The following GALNT13 variants were observed in gnomAD, a reference collection of about 807,000 sequenced individuals.
GALNT13 encodes the protein polypeptide N-acetylgalactosaminyltransferase 13, also known as UDP-GalNAc:polypeptide N-acetylgalactosaminyltransferase 13.
GALNT13 carries 28 observed loss-of-function variants against 64.2 expected under a neutral mutation model. The ratio of observed to expected loss-of-function variants is 0.44; its 90% CI spans 0.32 to 0.60. The LOEUF is 0.60. Among genes scored for constraint, GALNT13 ranks in the 20% least tolerant of loss-of-function variants. The probability of loss-of-function intolerance (pLI) is 0.05; values close to 1 mark genes in which losing one functional copy is unlikely to be tolerated. For synonymous variants in GALNT13, 214 were observed against 224.6 expected (o/e 0.95, Z 0.42); for missense variants, 577 against 669.8 (o/e 0.86, Z 1.53).
the GALNT13 span, among the ~76,000 whole-genome samples, chr2:153,103,013 G>A: frequency 6.6e-6 from 1 of 151,922 alleles, no homozygotes; most frequent in Admixed American, 6.6e-5. Flanking sequence ...ATGCTGAAAC[G>A]ACCTCCCAAC....
At chr2:153,213,597 G>T in the GALNT13 span, among the ~76,000 whole-genome samples, 1 of 152,136 alleles carries the variant, frequency 6.6e-6, no homozygotes, top group Non-Finnish European at 1.5e-5. Flanking sequence ...ACTGTGCCTT[G>T]GTCTTGATGG....
chr2:153,284,030 G>C, the GALNT13 span, among the ~76,000 whole-genome samples: 1 of 152,168 alleles, frequency 6.6e-6, no homozygotes, highest in Admixed American at 6.5e-5. Flanking sequence ...CTGCCTGGGC[G>C]TGGAGCTGAG....
intron 8 of GALNT13, among the ~76,000 whole-genome samples, chr2:154,284,331 G>A (rs1026464355): frequency 6.6e-6 from 1 of 152,020 alleles, no homozygotes; most frequent in Non-Finnish European, 1.5e-5. Flanking sequence ...GACTCTTCTA[G>A]ATTCCTCATG....
At chr2:153,653,850 T>A in the GALNT13 span, among the ~76,000 whole-genome samples, 2 of 152,174 alleles carry the variant, frequency 1.3e-5, no homozygotes, top group Non-Finnish European at 1.5e-5. Flanking sequence ...AAGAATTTCA[T>A]GTCATAGAGA....
At chr2:153,490,300 T>G in the GALNT13 span, among the ~76,000 whole-genome samples, 1 of 152,204 alleles carries the variant, frequency 6.6e-6, no homozygotes, top group Non-Finnish European at 1.5e-5. Context: ...AGACAATATT[T>G]TTTAAAAAAT....
chr2:154,450,367 T>C (rs1227966480), intron 12 of GALNT13, 44 bp from the exon 13 acceptor site: 14 of 1,529,418 alleles, frequency 9.2e-6, no homozygotes, highest in Non-Finnish European at 1.2e-5. Context: ...CTAGCAAAGC[T>C]AAAGACGAAA....
the GALNT13 span, among the ~76,000 whole-genome samples, chr2:153,425,063 ATAT>A: frequency 2.0e-5 from 3 of 151,816 alleles, no homozygotes; most frequent in Non-Finnish European, 4.4e-5. Flanking sequence ...CATGAAAATA[ATAT>A]TATATATTGC....
chr2:153,078,539 G>T, the GALNT13 span, among the ~76,000 whole-genome samples: 1 of 151,994 alleles, frequency 6.6e-6, no homozygotes, highest in Non-Finnish European at 1.5e-5. Flanking sequence ...CTGAACTCCT[G>T]ACCTCAGATG....
chr2:153,513,203 C>T, the GALNT13 span, among the ~76,000 whole-genome samples: 12 of 152,042 alleles, frequency 7.9e-5, no homozygotes, highest in Non-Finnish European at 1.2e-4. Flanking sequence ...ATATATTTCT[C>T]GTAGACAACT....
At chr2:153,549,820 G>T in the GALNT13 span, among the ~76,000 whole-genome samples, 1 of 152,184 alleles carries the variant, frequency 6.6e-6, no homozygotes, top group African/African-American at 2.4e-5. Context: ...TTTTGCTGAT[G>T]ACCATATTAA....
chr2:153,253,789 T>G, the GALNT13 span, among the ~76,000 whole-genome samples: 2 of 151,174 alleles, frequency 1.3e-5, no homozygotes, highest in African/African-American at 4.9e-5. Flanking sequence ...TTGCGTATAT[T>G]GAATCAGCCC....
intron 4 of GALNT13, among the ~76,000 whole-genome samples, chr2:154,197,216 C>G (rs2105770317): frequency 6.6e-6 from 1 of 151,602 alleles, no homozygotes; most frequent in South Asian, 2.1e-4. Context: ...AACTCCATCT[C>G]AAAAGAAAAA....
intron 4 of GALNT13, among the ~76,000 whole-genome samples, chr2:154,160,247 A>G (rs1039758035): frequency 7.9e-5 from 12 of 152,080 alleles, no homozygotes; most frequent in African/African-American, 2.2e-4. Flanking sequence ...ATTTTTTGTG[A>G]GAAGCATTTT....
chr2:153,324,785 T>C, the GALNT13 span, among the ~76,000 whole-genome samples: 1 of 152,234 alleles, frequency 6.6e-6, no homozygotes, highest in Non-Finnish European at 1.5e-5. Context: ...GGATTATGTT[T>C]ATTGATTTGC....
the GALNT13 span, among the ~76,000 whole-genome samples, chr2:153,437,408 C>A: frequency 6.6e-6 from 1 of 152,078 alleles, no homozygotes; most frequent in Non-Finnish European, 1.5e-5. Flanking sequence ...ATTGATCTGT[C>A]TAATGTTGAC....
At chr2:153,147,376 C>T in the GALNT13 span, among the ~76,000 whole-genome samples, 1 of 151,768 alleles carries the variant, frequency 6.6e-6, no homozygotes, top group Non-Finnish European at 1.5e-5. Context: ...TTCTTAGCAA[C>T]TAAAACAGCA....
the GALNT13 span, among the ~76,000 whole-genome samples, chr2:153,443,402 G>C: frequency 6.6e-6 from 1 of 152,156 alleles, no homozygotes; most frequent in Non-Finnish European, 1.5e-5. Flanking sequence ...GTCCTAATGA[G>C]AAGAACCAGG....
At chr2:154,291,636 C>A (rs753794633) in intron 8 of GALNT13, among the ~76,000 whole-genome samples, 14 of 152,190 alleles carry the variant, frequency 9.2e-5, no homozygotes, top group Non-Finnish European at 1.9e-4. Flanking sequence ...ACCCGGCCGG[C>A]CCACGGGTGC....
chr2:153,440,025 C>T, the GALNT13 span, among the ~76,000 whole-genome samples: 1 of 152,126 alleles, frequency 6.6e-6, no homozygotes. Flanking sequence ...ACATAGTATA[C>T]ACTTGCCATG....
Sources: gnomAD v4.1 joint callset for allele counts (sites outside exome capture counted in the v4.1 genomes callset) on GRCh38, gnomAD v4.1.1 for gene constraint, MANE v1.5 for transcripts, NCBI Gene and HGNC (gene_info 2026-07-23, HGNC 2026-07-21) for gene names.